The following RC3H2 variants were observed in gnomAD, a reference collection of about 807,000 sequenced individuals.
RC3H2 encodes roquin-2.
In RC3H2, 31 loss-of-function variants were observed where a neutral mutation model predicts 133.3. The observed-to-expected ratio is 0.23, with a 90% confidence interval of 0.17 to 0.31. RC3H2 has a LOEUF of 0.31. Among genes scored for constraint, RC3H2 ranks in the 10% least tolerant of loss-of-function variants. RC3H2 has a pLI of 1.00. For missense variants in RC3H2, 1,175 were observed against 1,437.2 expected, an observed-to-expected ratio of 0.82 and a Z score of 2.95; for synonymous variants, 517 against 502.2, an observed-to-expected ratio of 1.03 and a Z score of -0.40.
At chr9:122,888,921 C>A (rs1588105151) in intron 4 of RC3H2, among the ~76,000 whole-genome samples, 1 of 150,862 alleles carries the variant, frequency 6.6e-6, no homozygotes, top group Non-Finnish European at 1.5e-5. Flanking sequence ...AAGTCTGTAC[C>A]ACTTTGCATG....
chr9:122,858,202 C>G, intron 12 of RC3H2, 109 bp from the exon 13 acceptor site: 2 of 1,032,706 alleles, frequency 1.9e-6, no homozygotes, highest in Admixed American at 2.6e-5. Context: ...TAAAAAAATA[C>G]AGCAGGGAAA....
At chr9:122,872,630 A>G (rs1390286088) in intron 9 of RC3H2, among the ~76,000 whole-genome samples, 2 of 152,086 alleles carry the variant, frequency 1.3e-5, no homozygotes, top group African/African-American at 2.4e-5. Context: ...GTCTCACTCT[A>G]TCACCCAGGT....
chr9:122,897,694 C>T (rs1832480973), intron 1 of RC3H2, 118 bp from the exon 2 acceptor site: 1 of 683,022 alleles, frequency 1.5e-6, no homozygotes, highest in South Asian at 2.2e-5. Flanking sequence ...AATTTTATAA[C>T]CTTTGGATGT....
intron 13 of RC3H2, among the ~76,000 whole-genome samples, chr9:122,856,872 C>G (rs1830270950): frequency 6.6e-6 from 1 of 152,046 alleles, no homozygotes. Context: ...AATTGTATAT[C>G]AAAAAAGAAA....
rs140412536 is a variant in RC3H2 at position 122,869,373 on chromosome 9, T to C, written c.1326-3716A>G. 7.9e-5 allele frequency among the ~76,000 whole-genome samples: 12 copies of C among 152,302 alleles called. No individual in the cohort carries two copies. The East Asian group carries it at 2.3e-3, about 29-fold the overall frequency. On this transcript the variant is annotated intron_variant, in intron 9 of 20. Coordinates refer to ENST00000357244, the MANE Select transcript of RC3H2 (RefSeq NM_001100588.3). Reference sequence around the variant, plus strand: ...GTAGTAAGCAATGCCTTCACAATAGTTTCCCTTTTAGTCCTCTGGTATCTA... The same window carrying C: ...GTAGTAAGCAATGCCTTCACAATAGCTTCCCTTTTAGTCCTCTGGTATCTA...
chr9:122,864,000 G>C (rs1249979569), intron 10 of RC3H2, among the ~76,000 whole-genome samples: 1 of 152,150 alleles, frequency 6.6e-6, no homozygotes, highest in Non-Finnish European at 1.5e-5. Flanking sequence ...GCCTCCCAAA[G>C]TGTTGGGATT....
At chr9:122,883,430 A>C (rs1831736293) in intron 4 of RC3H2, 51 bp from the exon 5 acceptor site, 1 of 1,441,562 alleles carries the variant, frequency 6.9e-7, no homozygotes, top group Non-Finnish European at 9.4e-7. Context: ...AACCCATCAG[A>C]TCATGTGTGT....
chr9:122,896,505 T>A (rs1004079473), intron 2 of RC3H2, among the ~76,000 whole-genome samples: 2 of 152,204 alleles, frequency 1.3e-5, no homozygotes, highest in Non-Finnish European at 2.9e-5. Flanking sequence ...GAATTGAATA[T>A]GTAACTATAA....
intron 18 of RC3H2, 109 bp from the exon 19 acceptor site, chr9:122,851,545 G>A (rs1292228122): frequency 2.2e-5 from 32 of 1,426,958 alleles, no homozygotes; most frequent in South Asian, 8.1e-5. Context: ...CTCTCATGCC[G>A]AGCCGAAGCT....
chr9:122,879,941 T>G (rs377157832), intron 7 of RC3H2, 52 bp downstream of exon 7: 2 of 1,611,976 alleles, frequency 1.2e-6, no homozygotes, highest in African/African-American at 2.7e-5. Context: ...TCTTGTGTTA[T>G]TCACCTCAAA....
intron 11 of RC3H2, 47 bp from the exon 12 acceptor site, chr9:122,859,149 C>A: frequency 7.1e-7 from 1 of 1,412,292 alleles, no homozygotes; most frequent in Non-Finnish European, 9.4e-7. Flanking sequence ...TAGTACAATC[C>A]AACATTTTAT....
intron 2 of RC3H2, among the ~76,000 whole-genome samples, chr9:122,895,179 G>T (rs1166996847): frequency 1.3e-4 from 19 of 145,410 alleles, no homozygotes; most frequent in African/African-American, 4.3e-4. Context: ...TTTTTTTTGA[G>T]ACAGGGTCTC....
At chr9:122,885,725 A>C (rs779774540) in intron 4 of RC3H2, among the ~76,000 whole-genome samples, 1 of 152,216 alleles carries the variant, frequency 6.6e-6, no homozygotes, top group African/African-American at 2.4e-5. Flanking sequence ...CACAATGTGT[A>C]CAACCATCAA....
At chr9:122,865,823 A>G (rs530262056) in intron 9 of RC3H2, among the ~76,000 whole-genome samples, 166 bp from the exon 10 acceptor site, 6 of 152,358 alleles carry the variant, frequency 3.9e-5, no homozygotes, top group African/African-American at 1.4e-4. Flanking sequence ...TTCTACTGCA[A>G]CAGATGCCAC....
Position 122,860,014 on chromosome 9 carries a change from A to G in RC3H2, c.1752T>C (p.Thr584=), listed in dbSNP as rs1830396476. 1 of 1,613,978 alleles carries G rather than the reference A, an allele frequency of 6.2e-7. No homozygotes were observed. Among genetic ancestry groups the G allele is most frequent in the Non-Finnish European group, 8.5e-7 (1 of 1,179,976 alleles). ...AATGCGGAGGATATACTGGTACTCT[A>G]GTTAGAAATGGGCTGGATTTTTGAG... The part of the protein sequence containing the change: ...SVPQKSSPFL[T]RVPVYPPHSE... Residue 584 remains threonine (T), a synonymous_variant, in exon 11 of 21, where the codon ACT becomes ACC. Coordinates refer to ENST00000357244, the MANE Select transcript of RC3H2 (RefSeq NM_001100588.3).
chr9:122,893,983 A>T (rs1832306180), intron 2 of RC3H2, among the ~76,000 whole-genome samples: 1 of 152,176 alleles, frequency 6.6e-6, no homozygotes, highest in African/African-American at 2.4e-5. Context: ...AATACAGGCC[A>T]GGTGCGGTGG....
At chr9:122,896,647 A>G (rs1467462102) in intron 2 of RC3H2, among the ~76,000 whole-genome samples, 1 of 152,184 alleles carries the variant, frequency 6.6e-6, no homozygotes, top group Non-Finnish European at 1.5e-5. Context: ...CTATATACCT[A>G]TTACTGAATA....
At chr9:122,851,781 A>T (rs1307666569) in intron 18 of RC3H2, among the ~76,000 whole-genome samples, 1 of 152,186 alleles carries the variant, frequency 6.6e-6, no homozygotes, top group Non-Finnish European at 1.5e-5. Flanking sequence ...TTGCAGACGG[A>T]GTCTGGTTCA....
At chr9:122,872,742 G>A (rs1831154036) in intron 9 of RC3H2, among the ~76,000 whole-genome samples, 1 of 152,094 alleles carries the variant, frequency 6.6e-6, no homozygotes. Context: ...GCACCACCAT[G>A]CCCGGCTAAT....
Sources: gnomAD v4.1 joint callset for allele counts (sites outside exome capture counted in the v4.1 genomes callset) on GRCh38, gnomAD v4.1.1 for gene constraint, MANE v1.5 for transcripts, NCBI Gene and HGNC (gene_info 2026-07-23, HGNC 2026-07-21) for gene names.